Variants in SOX6 observed in about 807,000 individuals in gnomAD.
SOX6 encodes transcription factor SOX-6.
A neutral mutation model predicts 97.8 loss-of-function variants in SOX6; 11 were observed. The ratio of observed to expected loss-of-function variants is 0.11; its 90% confidence interval spans 0.07 to 0.19. The LOEUF (loss-of-function observed/expected upper bound fraction) is 0.19, where lower values mean the gene tolerates loss of function less well. Ranked by LOEUF, SOX6 falls within the 10% of genes least tolerant of loss-of-function variation. The pLI, the probability that SOX6 is intolerant of heterozygous loss-of-function variation, is 1.00. For synonymous variants in SOX6, 360 were observed against 371.4 expected, an observed-to-expected ratio of 0.97 and a Z score of 0.35; for missense variants, 810 against 1,039.5, an observed-to-expected ratio of 0.78 and a Z score of 3.04.
chr11:16,531,810 A>C (rs964428918), intron 4 of SOX6, among the ~76,000 whole-genome samples: 2 of 151,970 alleles, frequency 1.3e-5, no homozygotes, highest in African/African-American at 4.8e-5. Context: ...CTGAATATAC[A>C]ATAACAAAAC....
At chr11:16,231,222 G>A (rs1468362383) in intron 4 of SOX6, among the ~76,000 whole-genome samples, 1 of 151,560 alleles carries the variant, frequency 6.6e-6, no homozygotes, top group African/African-American at 2.4e-5. Flanking sequence ...ATGACAAAAT[G>A]CAACATATAT....
At chr11:16,072,788 A>ATAT (rs1332881719) in intron 9 of SOX6, among the ~76,000 whole-genome samples, 1 of 152,226 alleles carries the variant, frequency 6.6e-6, no homozygotes, top group Non-Finnish European at 1.5e-5. Context: ...TTGGGGGCCT[A>ATAT]TATTCAGCAT....
At chr11:16,022,329 T>TC (rs1564911605) in intron 12 of SOX6, among the ~76,000 whole-genome samples, 24 of 146,668 alleles carry the variant, frequency 1.6e-4, no homozygotes, top group Middle Eastern at 3.4e-3. Flanking sequence ...CTTCCTTCCT[T>TC]CTTTCCTTCC....
intron 6 of SOX6, among the ~76,000 whole-genome samples, chr11:16,132,694 CTTTTT>C (rs111965760): frequency 1.5e-5 from 2 of 137,208 alleles, no homozygotes; most frequent in Non-Finnish European, 3.2e-5. Flanking sequence ...ATCGGGTTAC[CTTTTT>C]TTTTTTTTTT....
At chr11:16,396,123 C>G (rs887530955) in intron 1 of SOX6, among the ~76,000 whole-genome samples, 1 of 151,612 alleles carries the variant, frequency 6.6e-6, no homozygotes, top group Non-Finnish European at 1.5e-5. Flanking sequence ...GTTAGGGGTT[C>G]TTTAATTAGC....
chr11:15,993,703 T>A lies in SOX6; in HGVS notation c.1733-4473A>T, dbSNP rs116832303. Among the ~76,000 whole-genome samples the A allele has an allele frequency of 2.6e-3, 400 of 152,332 alleles. 2 individuals carry two copies. Among genetic ancestry groups the A allele is most frequent in the African/African-American group, 9.3e-3 (387 of 41,572 alleles). ...CATCTCAGTTTGTGTAAAGGCAAAC[T>A]TTCGGTTAGATTAAAGATAGTTAAT... On this transcript the variant is annotated intron_variant, in intron 13 of 15. Transcript: ENST00000683767.
chr11:16,471,363 A>G (rs74930720), intron 1 of SOX6, among the ~76,000 whole-genome samples: 1,793 of 152,238 alleles, frequency 0.012, 35 homozygotes, highest in African/African-American at 0.041. Flanking sequence ...TGATTTGAGT[A>G]GCTAAGATTC....
At chr11:16,206,230 A>G (rs975319079) in intron 4 of SOX6, among the ~76,000 whole-genome samples, 5 of 152,156 alleles carry the variant, frequency 3.3e-5, no homozygotes, top group Non-Finnish European at 1.5e-5. Flanking sequence ...CTTTTACATT[A>G]TAACTAATGT....
At chr11:16,473,757 G>C (rs1290412196) in intron 1 of SOX6, among the ~76,000 whole-genome samples, 2 of 152,046 alleles carry the variant, frequency 1.3e-5, no homozygotes, top group Non-Finnish European at 2.9e-5. Context: ...TCACCATGTT[G>C]GCCAGGCTGG....
At chr11:16,513,398 C>T (rs1860911388) in intron 4 of SOX6, among the ~76,000 whole-genome samples, 1 of 152,058 alleles carries the variant, frequency 6.6e-6, no homozygotes, top group Non-Finnish European at 1.5e-5. Flanking sequence ...TTTGGGAGGC[C>T]AAGGCGGGCG....
chr11:16,184,920 G>A (rs1324839367), intron 5 of SOX6, among the ~76,000 whole-genome samples: 1 of 152,174 alleles, frequency 6.6e-6, no homozygotes, highest in East Asian at 1.9e-4. Flanking sequence ...GTTTAGTAGT[G>A]CCTTTTTGTC....
chr11:16,726,184 G>A (rs1433445506), intron 2 of SOX6, among the ~76,000 whole-genome samples: 1 of 146,372 alleles, frequency 6.8e-6, no homozygotes, highest in Non-Finnish European at 1.5e-5. Context: ...CAAGGCGGGA[G>A]GATTACTTGA....
chr11:16,611,248 T>A (rs1021324421), intron 4 of SOX6, among the ~76,000 whole-genome samples: 4 of 152,192 alleles, frequency 2.6e-5, no homozygotes, highest in African/African-American at 9.7e-5. Context: ...AAGTTAGTAT[T>A]TAAAACACCC....
intron 3 of SOX6, among the ~76,000 whole-genome samples, chr11:16,671,184 T>C (rs1163721834): frequency 6.6e-6 from 1 of 152,246 alleles, no homozygotes; most frequent in African/African-American, 2.4e-5. Context: ...AATAGCCACA[T>C]GCAGAGATGA....
chr11:16,353,225 C>G (rs989424592), intron 1 of SOX6, among the ~76,000 whole-genome samples: 2 of 151,952 alleles, frequency 1.3e-5, no homozygotes, highest in East Asian at 3.9e-4. Flanking sequence ...CTACAAAAGT[C>G]GGTGTTGAGA....
intron 3 of SOX6, among the ~76,000 whole-genome samples, chr11:16,676,357 T>G (rs553238934): frequency 6.6e-6 from 1 of 152,338 alleles, no homozygotes; most frequent in Non-Finnish European, 1.5e-5. Flanking sequence ...TGAGAATATT[T>G]AAAATAATTG....
At chr11:16,375,253 T>C (rs1296945241) in intron 1 of SOX6, among the ~76,000 whole-genome samples, 1 of 152,112 alleles carries the variant, frequency 6.6e-6, no homozygotes, top group Non-Finnish European at 1.5e-5. Context: ...TACATATTAT[T>C]AAACAGAATA....
chr11:16,245,242 A>T (rs1853303920), intron 3 of SOX6, among the ~76,000 whole-genome samples: 2 of 151,766 alleles, frequency 1.3e-5, no homozygotes, highest in Non-Finnish European at 3.0e-5. Context: ...ATTTGAATTT[A>T]AAAATGTTTC....
intron 4 of SOX6, among the ~76,000 whole-genome samples, chr11:16,498,139 C>A (rs1860638734): frequency 6.6e-6 from 1 of 152,186 alleles, no homozygotes; most frequent in Non-Finnish European, 1.5e-5. Flanking sequence ...CTCTACAAGC[C>A]AGAAGACAGT....
Sources: allele counts gnomAD v4.1 joint callset (sites outside exome capture counted in the v4.1 genomes callset), GRCh38; gene constraint gnomAD v4.1.1; transcripts MANE v1.5; gene names NCBI Gene and HGNC (gene_info 2026-07-23, HGNC 2026-07-21).